Variants in SLC25A5 observed in about 807,000 individuals in gnomAD.
The protein encoded by SLC25A5 is ADP/ATP translocase 2.
Under a neutral mutation model 16.5 loss-of-function variants are expected in SLC25A5, and 4 were observed. The ratio of observed to expected loss-of-function variants is 0.24; its 90% CI spans 0.12 to 0.56. The LOEUF is 0.56. Ranked by LOEUF, SLC25A5 falls within the 20% of genes least tolerant of loss-of-function variation. SLC25A5 has a pLI of 0.93. For missense variants in SLC25A5, 88 were observed against 248.0 expected (o/e 0.35, Z 4.33); for synonymous variants, 60 against 95.2 (o/e 0.63, Z 2.15).
At chrX:119,470,184 G>A in intron 2 of SLC25A5, 37 bp downstream of exon 2, 1 of 1,157,278 alleles carries the variant, frequency 8.6e-7, no homozygotes, top group Non-Finnish European at 1.1e-6. Flanking sequence ...GTGTTCTTAG[G>A]AGACAGTTTA....
rs1179462397 is a variant in SLC25A5, at chrX:119,470,908, C to A, written c.747C>A (p.Ile249=). ...MMQSGRKGTD[I]MYTGTLDCWR... ...TGTCTTTATTCTTTGCAGCTGACAT[C>A]ATGTACACAGGCACGCTTGACTGCT... The change falls in exon 4 of 4, where the codon ATC becomes ATA. Residue 249 remains isoleucine, a synonymous_variant. Transcript: ENST00000317881. 1 of 1,209,139 alleles carries A rather than the reference C, an allele frequency of 8.3e-7. No homozygotes were observed.
Position 119,468,445 on chromosome X carries a change from C to T in SLC25A5, c.-71C>T, listed in dbSNP as rs1156397873. 1 of 961,579 alleles carries T rather than the reference C, an allele frequency of 1.0e-6. No homozygotes were observed. Among genetic ancestry groups the T allele is most frequent in the Non-Finnish European group, 1.5e-6 (1 of 678,951 alleles). 79.2% of individuals were successfully genotyped at this position (961,579 alleles called of 1,213,427 possible). A position where few individuals can be genotyped will look rare whatever the true frequency, so the allele number is the denominator to read the frequency against. On this transcript the variant is annotated 5_prime_UTR_variant, in exon 1 of 4. Transcript: ENST00000317881. ...AAATCGGCCATTTGCTTCGCTCCGC[C>T]CCGCAGCGCCGGAGTCAAAGCCGGT...
chrX:119,468,648 C>T, intron 1 of SLC25A5, 22 bp downstream of exon 1: 1 of 1,162,142 alleles, frequency 8.6e-7, no homozygotes, highest in Non-Finnish European at 1.2e-6. Flanking sequence ...GATCCAGGAG[C>T]CCAACCAGGA....
chrX:119,468,452 C>T lies in SLC25A5; in HGVS notation c.-64C>T. 1 of 988,470 alleles carries T rather than the reference C, an allele frequency of 1.0e-6. No individual in the cohort carries two copies. Among genetic ancestry groups the T allele is most frequent in the Non-Finnish European group, 1.4e-6 (1 of 701,582 alleles). 81.5% of individuals were successfully genotyped at this position (988,470 alleles called of 1,213,427 possible). A position where few individuals can be genotyped will look rare whatever the true frequency, so the allele number is the denominator to read the frequency against. ...CCATTTGCTTCGCTCCGCCCCGCAG[C>T]GCCGGAGTCAAAGCCGGTTCCCGGC... On this transcript the variant is annotated 5_prime_UTR_variant, in exon 1 of 4. Transcript: ENST00000317881.
chrX:119,470,911 G>A lies in SLC25A5; in HGVS notation c.750G>A (p.Met250Ile). ...CTTTATTCTTTGCAGCTGACATCAT[G>A]TACACAGGCACGCTTGACTGCTGGC... is the stretch of plus-strand genomic sequence containing the variant. ...MQSGRKGTDI[M>I]YTGTLDCWRK... Residue 250 changes from methionine (M) to isoleucine (I), a missense_variant, in exon 4 of 4, where the codon ATG (methionine) becomes ATA (isoleucine). Coordinates refer to ENST00000317881, the MANE Select transcript of SLC25A5 (RefSeq NM_001152.5). 5 of 1,209,932 alleles carry A rather than the reference G, an allele frequency of 4.1e-6. No individual in the cohort carries two copies. Among genetic ancestry groups the A allele is most frequent in the Non-Finnish European group, 5.6e-6 (5 of 894,624 alleles).
intron 1 of SLC25A5, chrX:119,469,358 C>G (rs891269832): frequency 5.1e-6 from 1 of 195,215 alleles, no homozygotes; most frequent in Non-Finnish European, 9.5e-6. Context: ...GGGACTCGCC[C>G]TAATGCCTCT....
Position 119,470,081 on chromosome X carries a change from A to T in SLC25A5, c.532A>T (p.Asn178Tyr). 8.3e-7 allele frequency: 1 copy of T among 1,211,792 alleles called. No individual in the cohort carries two copies. Among genetic ancestry groups the T allele is most frequent in the African/African-American group, 1.7e-5 (1 of 58,005 alleles). Residue 178 changes from asparagine to tyrosine, a missense_variant, in exon 2 of 4, where the codon AAC becomes TAC. Physicochemically the swap from Asn to Tyr is moderately radical, Grantham distance 143. Transcript: ENST00000317881. ...GATTAAGGGCCTGTACCAAGGCTTT[A>T]ACGTGTCTGTGCAGGGTATTATCAT... is the stretch of plus-strand genomic sequence containing the variant. ...DGIKGLYQGF[N>Y]VSVQGIIIYR...
intron 2 of SLC25A5, 77 bp downstream of exon 2, chrX:119,470,224 A>G (rs1403024522): frequency 3.5e-6 from 4 of 1,131,605 alleles, no homozygotes; most frequent in Non-Finnish European, 4.7e-6. Flanking sequence ...TAACAGTCCA[A>G]GAGCTAAAGA....
rs201350992 is a variant in SLC25A5 at position 119,470,524 on chromosome X, C to G, written c.739+11C>G. ...CAGGGCGCAAAGGAAGTAAGTTCCA[C>G]TTGAGCAGAAGATAAAGTTGTAGTC... is the stretch of plus-strand genomic sequence containing the variant. On this transcript the variant is annotated intron_variant, in intron 3 of 3. Transcript: ENST00000317881. The G allele has an allele frequency of 3.6e-5, 39 of 1,097,599 alleles. No individual in the cohort carries two copies. The highest frequency in any genetic ancestry group is 4.5e-5 in the Non-Finnish European group (38 of 836,944). The allele number at this position is 1,097,599 out of a possible 1,213,427, so 90.5% of individuals were successfully genotyped here. A position where few individuals can be genotyped will look rare whatever the true frequency, so the allele number is the denominator to read the frequency against.
rs1348282260 is a variant in SLC25A5, at chrX:119,470,143, A to C, written c.594A>C (p.Ala198=). 8.4e-7 allele frequency: 1 copy of C among 1,189,971 alleles called. No individual in the cohort carries two copies. Among genetic ancestry groups the C allele is most frequent in the South Asian group, 1.9e-5 (1 of 53,013 alleles). ...CCTACTTCGGTATCTATGACACTGC[A>C]AAGGGTAAGTTTGCTGTGGGCTTTA... ...RAAYFGIYDT[A]KGMLPDPKNT... Residue 198 remains alanine (A), a synonymous_variant, in exon 2 of 4, where the codon GCA becomes GCC. Coordinates refer to ENST00000317881, the MANE Select transcript of SLC25A5 (RefSeq NM_001152.5).
At position 119,470,521 on chromosome X, in the gene SLC25A5, C is replaced by G; in HGVS notation, c.739+8C>G. On this transcript the variant is annotated splice_region_variant and intron_variant, in intron 3 of 3. Coordinates refer to ENST00000317881, the MANE Select transcript of SLC25A5 (RefSeq NM_001152.5). ...AGTCAGGGCGCAAAGGAAGTAAGTTCCACTTGAGCAGAAGATAAAGTTGTA... is the reference window on the plus strand; with the variant it reads ...AGTCAGGGCGCAAAGGAAGTAAGTTGCACTTGAGCAGAAGATAAAGTTGTA... The G allele has an allele frequency of 8.3e-7, 1 of 1,206,316 alleles. No individual in the cohort carries two copies. Among genetic ancestry groups the G allele is most frequent in the Non-Finnish European group, 1.1e-6 (1 of 892,483 alleles).
chrX:119,470,212 C>T lies in SLC25A5; in HGVS notation c.598+65C>T. On this transcript the variant is annotated intron_variant, in intron 2 of 3. Coordinates refer to ENST00000317881, the MANE Select transcript of SLC25A5 (RefSeq NM_001152.5). ...ACAGTTTAAAAGAGCATTGTACCAACCTAACAGTCCAAGAGCTAAAGAGTT... is the reference window on the plus strand; with the variant it reads ...ACAGTTTAAAAGAGCATTGTACCAATCTAACAGTCCAAGAGCTAAAGAGTT... 1.1e-5 allele frequency: 12 copies of T among 1,140,768 alleles called. No individual in the cohort carries two copies. In the South Asian group the frequency reaches 2.3e-4, roughly 22 times the overall value. 94.0% of individuals were successfully genotyped at this position (1,140,768 alleles called of 1,213,427 possible).
intron 1 of SLC25A5, chrX:119,469,018 CGG>C (rs1293936582): frequency 7.7e-6 from 1 of 129,612 alleles, no homozygotes; most frequent in African/African-American, 3.1e-5. Context: ...GATAACTGCC[CGG>C]GGGAGGCCAT....
At chrX:119,470,587 CT>C in intron 3 of SLC25A5, 74 bp downstream of exon 3, 1 of 1,022,068 alleles carries the variant, frequency 9.8e-7, no homozygotes, top group Non-Finnish European at 1.3e-6. Context: ...TGATACATAC[CT>C]TTAAAATGGC....
At position 119,468,459 on chromosome X, in the gene SLC25A5, G is replaced by A; in HGVS notation, c.-57G>A. ...CTTCGCTCCGCCCCGCAGCGCCGGA[G>A]TCAAAGCCGGTTCCCGGCCCAGTCC... is the stretch of plus-strand genomic sequence containing the variant. On this transcript the variant is annotated 5_prime_UTR_variant, in exon 1 of 4. Transcript: ENST00000317881. The A allele has an allele frequency of 1.9e-6, 2 of 1,057,853 alleles. No individual in the cohort carries two copies. Among genetic ancestry groups the A allele is most frequent in the Non-Finnish European group, 2.6e-6 (2 of 763,492 alleles). 87.2% of individuals were successfully genotyped at this position (1,057,853 alleles called of 1,213,427 possible). A position where few individuals can be genotyped will look rare whatever the true frequency, so the allele number is the denominator to read the frequency against.
In SLC25A5 at chrX:119,471,133, A is replaced by C; in HGVS notation, c.*75A>C. ...AACATATCTTGAGCATTCTTGACAGACTCCTGGCTGTCAGTTTCTCAGTGG... is the reference window on the plus strand; with the variant it reads ...AACATATCTTGAGCATTCTTGACAGCCTCCTGGCTGTCAGTTTCTCAGTGG... On this transcript the variant is annotated 3_prime_UTR_variant, in exon 4 of 4. Transcript: ENST00000317881. The C allele has an allele frequency of 1.1e-6, 1 of 908,730 alleles. No homozygotes were observed. The highest frequency in any genetic ancestry group is 3.2e-5 in the Admixed American group (1 of 30,849). The allele number at this position is 908,730 out of a possible 1,213,427, so 74.9% of individuals were successfully genotyped here.
intron 1 of SLC25A5, chrX:119,468,975 T>C (rs929954068): frequency 9.6e-6 from 2 of 208,357 alleles, no homozygotes; most frequent in African/African-American, 2.9e-5. Flanking sequence ...GGAACGCCAG[T>C]TCTTACCGAA....
At chrX:119,469,560 G>A in intron 1 of SLC25A5, 101 bp from the exon 2 acceptor site, 1 of 976,512 alleles carries the variant, frequency 1.0e-6, no homozygotes, top group Non-Finnish European at 1.4e-6. Context: ...TTGAGAGAGG[G>A]GAGCCTACCT....
At position 119,470,395 on chromosome X, in the gene SLC25A5, C is replaced by T. The variant is rs2052823716; in HGVS notation, c.621C>T (p.Asn207=). 1 of 1,212,398 alleles carries T rather than the reference C, an allele frequency of 8.2e-7. No homozygotes were observed. Among genetic ancestry groups the T allele is most frequent in the Non-Finnish European group, 1.1e-6 (1 of 895,511 alleles). The change falls in exon 3 of 4, where the codon AAC becomes AAT. Residue 207 remains asparagine, a synonymous_variant. Coordinates refer to ENST00000317881, the MANE Select transcript of SLC25A5 (RefSeq NM_001152.5). ...CAGGAATGCTTCCGGATCCCAAGAA[C>T]ACTCACATCGTCATCAGCTGGATGA... The part of the protein sequence containing the change: ...TAKGMLPDPK[N]THIVISWMIA...
Sources: gnomAD v4.1 joint callset for allele counts on GRCh38, gnomAD v4.1.1 for gene constraint, MANE v1.5 for transcripts, NCBI Gene and HGNC (gene_info 2026-07-23, HGNC 2026-07-21) for gene names.